The following NCAM2 variants were observed in gnomAD, a reference collection of about 807,000 sequenced individuals.
NCAM2 encodes N-CAM-2.
Under a neutral mutation model 98.1 loss-of-function variants are expected in NCAM2, and 30 were observed. The ratio of observed to expected loss-of-function variants is 0.31; its 90% CI spans 0.23 to 0.41. NCAM2 has a LOEUF of 0.41. Among genes scored for constraint, NCAM2 ranks in the 10% least tolerant of loss-of-function variants. The pLI is 1.00. For missense variants in NCAM2, 867 were observed against 1,005.8 expected, an observed-to-expected ratio of 0.86 and a Z score of 1.87; for synonymous variants, 368 against 342.4, an observed-to-expected ratio of 1.07 and a Z score of -0.83.
chr21:21,472,042 A>C (rs1056639789), intron 14 of NCAM2, among the ~76,000 whole-genome samples: 5 of 152,062 alleles, frequency 3.3e-5, no homozygotes, highest in African/African-American at 1.2e-4. Context: ...TTTTACATCT[A>C]CTTTGTACTT....
intron 1 of NCAM2, among the ~76,000 whole-genome samples, chr21:21,068,229 C>G (rs1448347434): frequency 6.9e-6 from 1 of 144,642 alleles, no homozygotes; most frequent in Non-Finnish European, 1.5e-5. Flanking sequence ...GCCTCCAGGA[C>G]TCAAGAGGTT....
At chr21:21,387,472 A>C (rs1055515479) in intron 9 of NCAM2, among the ~76,000 whole-genome samples, 3 of 151,976 alleles carry the variant, frequency 2.0e-5, no homozygotes, top group African/African-American at 7.3e-5. Flanking sequence ...GGGGACAGCA[A>C]GTCATCTGCC....
chr21:21,001,380 T>C lies in NCAM2; in HGVS notation c.55+2762T>C, dbSNP rs551559017. Among the ~76,000 whole-genome samples the C allele has an allele frequency of 2.6e-5, 4 of 152,304 alleles. No individual in the cohort carries two copies. In the South Asian group the frequency reaches 8.3e-4, roughly 32 times the overall value. On this transcript the variant is annotated intron_variant, in intron 1 of 17. Transcript: ENST00000400546. ...AATGTATAATGAAGTAAGGTTAGAA[T>C]GTTATTGTGAAGTCTGAATTTAATT...
At chr21:21,250,256 C>T (rs2071423035) in intron 1 of NCAM2, among the ~76,000 whole-genome samples, 1 of 152,260 alleles carries the variant, frequency 6.6e-6, no homozygotes, top group Admixed American at 6.5e-5. Flanking sequence ...ATTGTATTTG[C>T]ATTAAATTTG....
At chr21:21,074,475 C>T (rs549925442) in intron 1 of NCAM2, among the ~76,000 whole-genome samples, 26 of 151,988 alleles carry the variant, frequency 1.7e-4, no homozygotes, top group Non-Finnish European at 3.4e-4. Flanking sequence ...ATGTGTATGA[C>T]ACATGTTAAG....
chr21:21,470,462 TA>T (rs1602436022), intron 14 of NCAM2, among the ~76,000 whole-genome samples: 1 of 152,110 alleles, frequency 6.6e-6, no homozygotes, highest in East Asian at 1.9e-4. Context: ...TGGTACTCAA[TA>T]AATTTTACCT....
In NCAM2 at chr21:21,062,164, G is replaced by C. The variant is rs567069150; in HGVS notation, c.55+63546G>C. 3.6e-4 allele frequency among the ~76,000 whole-genome samples: 54 copies of C among 152,110 alleles called. 1 individual carries two copies. The highest frequency in any genetic ancestry group is 1.3e-3 in the African/African-American group (52 of 41,512). On this transcript the variant is annotated intron_variant, in intron 1 of 17. Coordinates refer to ENST00000400546, the MANE Select transcript of NCAM2 (RefSeq NM_004540.5). ...GAGTAAAATATCTTGAAAAAGAGAG[G>C]GTTTGTTTCTGGTTTTAAATATTGG...
chr21:21,230,394 C>G (rs181741834), intron 1 of NCAM2, among the ~76,000 whole-genome samples: 1 of 151,036 alleles, frequency 6.6e-6, no homozygotes, highest in African/African-American at 2.4e-5. Context: ...AAATTGGCCA[C>G]GCTGTCTATT....
chr21:21,421,536 C>T (rs2077111681), intron 11 of NCAM2, among the ~76,000 whole-genome samples: 1 of 152,024 alleles, frequency 6.6e-6, no homozygotes, highest in Non-Finnish European at 1.5e-5. Flanking sequence ...GGGAAACATG[C>T]ATTTAAATAT....
chr21:21,037,124 G>GA (rs2064816133), intron 1 of NCAM2, among the ~76,000 whole-genome samples: 1 of 152,122 alleles, frequency 6.6e-6, no homozygotes, highest in African/African-American at 2.4e-5. Context: ...TGGACTTCCC[G>GA]GGCTCAATGA....
intron 9 of NCAM2, among the ~76,000 whole-genome samples, chr21:21,393,702 A>G (rs1449424109): frequency 1.3e-5 from 2 of 152,216 alleles, no homozygotes; most frequent in Admixed American, 6.5e-5. Flanking sequence ...TCCTTTGATA[A>G]CTCAGAAGTT....
At chr21:21,234,530 GATTT>G in intron 1 of NCAM2, among the ~76,000 whole-genome samples, 1 of 151,830 alleles carries the variant, frequency 6.6e-6, no homozygotes, top group Non-Finnish European at 1.5e-5. Flanking sequence ...TTGAAGTATC[GATTT>G]ATTTCCAAAT....
intron 1 of NCAM2, among the ~76,000 whole-genome samples, chr21:21,101,626 G>T (rs1345320173): frequency 6.6e-6 from 1 of 151,936 alleles, no homozygotes; most frequent in African/African-American, 2.4e-5. Flanking sequence ...AAAACAGCAA[G>T]TTTTCTGTGA....
intron 1 of NCAM2, among the ~76,000 whole-genome samples, chr21:21,201,914 C>T (rs911646201): frequency 2.0e-5 from 3 of 152,014 alleles, no homozygotes; most frequent in Admixed American, 6.6e-5. Flanking sequence ...ATGGATGGGT[C>T]TCAAAATCAT....
At chr21:21,372,732 C>A (rs1220059621) in intron 8 of NCAM2, among the ~76,000 whole-genome samples, 1 of 151,792 alleles carries the variant, frequency 6.6e-6, no homozygotes, top group East Asian at 1.9e-4. Flanking sequence ...CTAGGAATCA[C>A]ACACTTGGGC....
At chr21:21,153,197 A>G (rs1161656406) in intron 1 of NCAM2, among the ~76,000 whole-genome samples, 1 of 148,858 alleles carries the variant, frequency 6.7e-6, no homozygotes, top group Non-Finnish European at 1.5e-5. Flanking sequence ...GTAATAATGT[A>G]TTAGTAATTG....
intron 1 of NCAM2, among the ~76,000 whole-genome samples, chr21:21,115,260 G>A (rs2146541356): frequency 6.6e-6 from 1 of 152,236 alleles, no homozygotes; most frequent in Middle Eastern, 3.4e-3. Context: ...AATTTTATTA[G>A]AGCTTTATCC....
At chr21:21,477,139 A>T (rs1194846150) in intron 14 of NCAM2, 152 bp from the exon 15 acceptor site, 2 of 484,502 alleles carry the variant, frequency 4.1e-6, no homozygotes, top group Admixed American at 8.0e-5. Context: ...TACTGGCTTC[A>T]TTGACACAGC....
chr21:21,082,924 C>T (rs1376220903), intron 1 of NCAM2, among the ~76,000 whole-genome samples: 2 of 152,196 alleles, frequency 1.3e-5, no homozygotes, highest in African/African-American at 4.8e-5. Context: ...AATATCCAAA[C>T]ATCCTGTACT....
Sources: gnomAD v4.1 joint callset for allele counts (sites outside exome capture counted in the v4.1 genomes callset) on GRCh38, gnomAD v4.1.1 for gene constraint, MANE v1.5 for transcripts, NCBI Gene and HGNC (gene_info 2026-07-23, HGNC 2026-07-21) for gene names.